B3GAT1: variants seen among roughly 807,000 people sequenced by gnomAD.
The protein encoded by B3GAT1 is beta-1,3-glucuronyltransferase 1.
In B3GAT1, 11 loss-of-function variants were observed where a neutral mutation model predicts 28.4. That is an observed-to-expected ratio of 0.39 (90% CI 0.24 to 0.64). B3GAT1 has a LOEUF of 0.64. Ranked by LOEUF, B3GAT1 falls within the 30% of genes least tolerant of loss-of-function variation. The probability of loss-of-function intolerance (pLI) is 0.50; values close to 1 mark genes in which losing one functional copy is unlikely to be tolerated. For synonymous variants in B3GAT1, 255 were observed against 223.1 expected, an observed-to-expected ratio of 1.14 and a Z score of -1.27; for missense variants, 375 against 491.0, an observed-to-expected ratio of 0.76 and a Z score of 2.23.
At chr11:134,398,006 T>A (rs757133451) in intron 1 of B3GAT1, among the ~76,000 whole-genome samples, 8 of 152,192 alleles carry the variant, frequency 5.3e-5, no homozygotes, top group Non-Finnish European at 1.2e-4. Flanking sequence ...CCCTGCCTGC[T>A]CCCTGTCCTC....
rs139621727 is a variant in B3GAT1 at position 134,384,151 on chromosome 11, G to T, written c.150C>A (p.Gly50=). 9.6e-6 allele frequency: 15 copies of T among 1,560,528 alleles called. No individual in the cohort carries two copies. The African/African-American group carries it at 1.9e-4, about 20-fold the overall frequency. ...ACGTGCAGTACTCCCTGGGGTCGGC[G>T]CCGGGCGGCGTTTCGCGTCGGGGGT... ...GSDPRRETPP[G]ADPREYCTSD... is the part of the protein sequence containing the mutation. Residue 50 remains glycine, a synonymous_variant, in exon 3 of 6, where the codon GGC becomes GGA. Transcript: ENST00000312527.
intron 1 of B3GAT1, among the ~76,000 whole-genome samples, chr11:134,399,526 CA>C (rs1162942656): frequency 6.6e-6 from 1 of 152,216 alleles, no homozygotes; most frequent in Non-Finnish European, 1.5e-5. Flanking sequence ...CGGCAGGGTC[CA>C]GGGGCAAGCC....
At chr11:134,390,275 T>G (rs1591639704) in intron 1 of B3GAT1, 1 of 152,274 alleles carries the variant, frequency 6.6e-6, no homozygotes, top group Non-Finnish European at 1.5e-5. Flanking sequence ...AGGCCACTGC[T>G]GGGGCTGCAT....
At chr11:134,391,010 G>C (rs913389884) in intron 1 of B3GAT1, 4 of 152,362 alleles carry the variant, frequency 2.6e-5, no homozygotes, top group Non-Finnish European at 5.9e-5. Flanking sequence ...AGGGAAGAGA[G>C]GGGAGGATGG....
chr11:134,384,240 T>C, intron 2 of B3GAT1, 52 bp from the exon 3 acceptor site: 1 of 1,502,768 alleles, frequency 6.7e-7, no homozygotes, highest in South Asian at 1.3e-5. Flanking sequence ...GCTACGGCCC[T>C]GGATTCAGAG....
intron 3 of B3GAT1, 120 bp from the exon 4 acceptor site, chr11:134,383,126 C>G (rs954250151): frequency 8.7e-7 from 1 of 1,148,168 alleles, no homozygotes; most frequent in African/African-American, 1.6e-5. Flanking sequence ...GCCGCGGCCA[C>G]CTAGGGGGTG....
Position 134,383,689 on chromosome 11 carries a change from G to A in B3GAT1, c.612C>T (p.Leu204=), listed in dbSNP as rs1331322008. Residue 204 remains leucine (L), a synonymous_variant, in exon 3 of 6, where the codon CTC becomes CTT. Coordinates refer to ENST00000312527, the MANE Select transcript of B3GAT1 (RefSeq NM_054025.3). Reference sequence around the variant, plus strand: ...TCGGGCCCTCCCTCACCTCTTCGAAGAGCTCCAGGCTGTAGGTGTTGTCGT... The same window carrying A: ...TCGGGCCCTCCCTCACCTCTTCGAAAAGCTCCAGGCTGTAGGTGTTGTCGT... ...ADDDNTYSLE[L]FEEMRSTRRV... 1.3e-6 allele frequency: 2 copies of A among 1,571,878 alleles called. No individual in the cohort carries two copies. The highest frequency in any genetic ancestry group is 1.7e-6 in the Non-Finnish European group (2 of 1,153,934).
chr11:134,384,161 GTTTC>G lies in B3GAT1; in HGVS notation c.136_139del (p.Glu46ArgfsTer43). 6.4e-7 allele frequency: 1 copy of G among 1,551,476 alleles called. No homozygotes were observed. The highest frequency in any genetic ancestry group is 8.7e-7 in the Non-Finnish European group (1 of 1,149,100). Reference sequence around the variant, plus strand: ...CTCCCTGGGGTCGGCGCCGGGCGGCGTTTCGCGTCGGGGGTCACTGCCCTCATCT... The same window carrying G: ...CTCCCTGGGGTCGGCGCCGGGCGGCGGCGTCGGGGGTCACTGCCCTCATCT... On this transcript the variant is annotated frameshift_variant, in exon 3 of 6. Transcript: ENST00000312527. LOFTEE classifies it high-confidence loss of function.
chr11:134,412,108 G>GGGGGCGGGGAGGGGGGAGGT lies in B3GAT1; in HGVS notation c.-584_-583insACCTCCCCCCTCCCCGCCCC, dbSNP rs1173021586. ...AGGCGGGGGGCGGGGGGCGGGGAGG[G>GGGGGCGGGGAGGGGGGAGGT]GGAGCGGGGAGGGGGAGCGGGGAGC... is the stretch of plus-strand genomic sequence containing the variant. On this transcript the variant is annotated 5_prime_UTR_variant, in exon 1 of 6. Coordinates refer to ENST00000312527, the MANE Select transcript of B3GAT1 (RefSeq NM_054025.3). 2.8e-5 allele frequency among the ~76,000 whole-genome samples: 3 copies of GGGGGCGGGGAGGGGGGAGGT among 107,586 alleles called. No homozygotes were observed. The highest frequency in any genetic ancestry group is 8.5e-5 in the Admixed American group (1 of 11,784). The allele number at this position is 107,586 out of a possible 152,430, so 70.6% of individuals were successfully genotyped here.
In B3GAT1 at chr11:134,393,456, G is replaced by A. The variant is rs970523877; in HGVS notation, c.-281-5516C>T. ...CATCGCAGCATCCCGCTGCGATCTC[G>A]TTTTGATTTCTTCAAAGTGATTCAA... On this transcript the variant is annotated intron_variant, in intron 1 of 5. Transcript: ENST00000312527. The surrounding 1 kb of genome is among the most constrained non-coding windows in gnomAD (Gnocchi z 4.0). 1.3e-4 allele frequency among the ~76,000 whole-genome samples: 20 copies of A among 152,192 alleles called. No individual in the cohort carries two copies. Among genetic ancestry groups the A allele is most frequent in the South Asian group, 6.2e-4 (3 of 4,826 alleles).
Position 134,379,507 on chromosome 11 carries a change from C to G in B3GAT1, c.*1255G>C, listed in dbSNP as rs1212842345. On this transcript the variant is annotated 3_prime_UTR_variant, in exon 6 of 6. Transcript: ENST00000312527. Reference sequence around the variant, plus strand: ...GAGTTTGAGGCACACTGTTCTTTCTCCAGGATGGAAAGTGGACAGCTGGAC... The same window carrying G: ...GAGTTTGAGGCACACTGTTCTTTCTGCAGGATGGAAAGTGGACAGCTGGAC... The G allele has an allele frequency of 6.6e-6, 1 of 152,460 alleles. No homozygotes were observed. Among genetic ancestry groups the G allele is most frequent in the East Asian group, 1.9e-4 (1 of 5,182 alleles). The allele number at this position is 152,460 out of a possible 1,614,324, so 9.4% of individuals were successfully genotyped here. A position where few individuals can be genotyped will look rare whatever the true frequency, so the allele number is the denominator to read the frequency against.
chr11:134,398,255 G>A (rs1944543129), intron 1 of B3GAT1, among the ~76,000 whole-genome samples: 1 of 152,206 alleles, frequency 6.6e-6, no homozygotes, highest in African/African-American at 2.4e-5. Context: ...TCTTAGCTGG[G>A]TATCAGTGTT....
Position 134,411,952 on chromosome 11 carries a change from C to A in B3GAT1, c.-427G>T. ...TGTCGGGCTCCGGGCCCCCGGGGGC[C>A]ACTTCATAGCCGCGGGGTCCGCGCG... On this transcript the variant is annotated 5_prime_UTR_variant, in exon 1 of 6. Transcript: ENST00000312527. This position sits in a 1 kb window ranked among gnomAD's most constrained non-coding sequence, Gnocchi z 6.0. 1 of 148,782 alleles carries A rather than the reference C, an allele frequency of 6.7e-6. No homozygotes were observed. The highest frequency in any genetic ancestry group is 2.0e-4 in the South Asian group (1 of 5,052). 9.2% of individuals were successfully genotyped at this position (148,782 alleles called of 1,614,324 possible).
chr11:134,411,989 C>CGCCCGGCCCCGCCGCCCCG lies in B3GAT1; in HGVS notation c.-483_-465dup, dbSNP rs1200346062. The CGCCCGGCCCCGCCGCCCCG allele has an allele frequency of 6.0e-5, 8 of 133,338 alleles. No homozygotes were observed. The highest frequency in any genetic ancestry group is 1.2e-4 in the Non-Finnish European group (7 of 59,994). 8.3% of individuals were successfully genotyped at this position (133,338 alleles called of 1,614,324 possible). A position where few individuals can be genotyped will look rare whatever the true frequency, so the allele number is the denominator to read the frequency against. On this transcript the variant is annotated 5_prime_UTR_variant, in exon 1 of 6. Coordinates refer to ENST00000312527, the MANE Select transcript of B3GAT1 (RefSeq NM_054025.3). The surrounding 1 kb of genome is among the most constrained non-coding windows in gnomAD (Gnocchi z 6.0). ...GCGGGGTCCGCGCGCCCGCCCGCCCCGCCCGGCCCCGCCGCCCCGGCCCGG... is the reference window on the plus strand; with the variant it reads ...GCGGGGTCCGCGCGCCCGCCCGCCCCGCCCGGCCCCGCCGCCCCGGCCCGGCCCCGCCGCCCCGGCCCGG...
At chr11:134,409,189 C>T (rs376451870) in intron 1 of B3GAT1, among the ~76,000 whole-genome samples, 136 of 152,314 alleles carry the variant, frequency 8.9e-4, no homozygotes, top group Non-Finnish European at 1.3e-3. Flanking sequence ...AAAGTCTACT[C>T]GGCTAGCCAC....
At chr11:134,389,435 G>A (rs1009382995) in intron 1 of B3GAT1, 2 of 152,276 alleles carry the variant, frequency 1.3e-5, no homozygotes, top group African/African-American at 4.8e-5. Flanking sequence ...TGAGGAGAAT[G>A]AGCCACTGGG....
intron 4 of B3GAT1, among the ~76,000 whole-genome samples, 153 bp from the exon 5 acceptor site, chr11:134,382,177 T>C (rs1199380437): frequency 6.6e-6 from 1 of 152,260 alleles, no homozygotes; most frequent in East Asian, 1.9e-4. Flanking sequence ...TCTCAATTGT[T>C]TTTTATTTAT....
intron 1 of B3GAT1, among the ~76,000 whole-genome samples, chr11:134,402,087 G>A (rs1440339316): frequency 6.6e-6 from 1 of 152,230 alleles, no homozygotes; most frequent in East Asian, 1.9e-4. Context: ...GGTGGACCAG[G>A]CGACAAGGCA....
chr11:134,405,939 T>TC (rs1482392685), intron 1 of B3GAT1, among the ~76,000 whole-genome samples: 22 of 152,204 alleles, frequency 1.4e-4, no homozygotes, highest in Admixed American at 2.6e-4. Context: ...GCAGGGTCCC[T>TC]CCCTCTGGCC....
Sources: gnomAD v4.1 joint callset for allele counts (sites outside exome capture counted in the v4.1 genomes callset) on GRCh38, gnomAD v4.1.1 for gene constraint, Gnocchi (gnomAD v3.1) non-coding constraint, MANE v1.5 for transcripts, NCBI Gene and HGNC (gene_info 2026-07-23, HGNC 2026-07-21) for gene names.